Variants in CSMD1 observed in about 807,000 individuals in gnomAD.
CSMD1 encodes CUB and sushi domain-containing protein 1.
In CSMD1, 213 loss-of-function variants were observed where a neutral mutation model predicts 417.5. That is an observed-to-expected ratio of 0.51 (90% confidence interval 0.46 to 0.57). The LOEUF is 0.57. Ranked by LOEUF, CSMD1 falls within the 20% of genes least tolerant of loss-of-function variation. CSMD1 has a pLI of 0.00. For missense variants in CSMD1, 6,923 were observed against 4,529.7 expected, an observed-to-expected ratio of 1.53 and a Z score of -15.17; for synonymous variants, 2,862 against 1,736.8, an observed-to-expected ratio of 1.65 and a Z score of -16.11.
At chr8:4,740,901 A>G (rs1211557014) in intron 1 of CSMD1, among the ~76,000 whole-genome samples, 3 of 152,224 alleles carry the variant, frequency 2.0e-5, no homozygotes, top group Admixed American at 2.0e-4. Context: ...CACAACAGCT[A>G]ACTTTCCTGA....
At chr8:3,398,463 G>C (rs1435038182) in intron 16 of CSMD1, among the ~76,000 whole-genome samples, 1 of 152,156 alleles carries the variant, frequency 6.6e-6, no homozygotes, top group Non-Finnish European at 1.5e-5. Flanking sequence ...ATTACTGAAA[G>C]TTAACACAAC....
chr8:4,309,482 C>T (rs1798440571), intron 3 of CSMD1, among the ~76,000 whole-genome samples: 1 of 151,910 alleles, frequency 6.6e-6, no homozygotes, highest in African/African-American at 2.4e-5. Flanking sequence ...ATATTAAATG[C>T]ATTTTCTCTC....
At chr8:4,460,676 T>TCGC (rs199647814) in intron 2 of CSMD1, among the ~76,000 whole-genome samples, 3 of 152,146 alleles carry the variant, frequency 2.0e-5, no homozygotes, top group African/African-American at 7.2e-5. Flanking sequence ...GTAAGAGAAT[T>TCGC]TTATAAACAT....
chr8:3,987,307 G>A (rs1814408625), intron 5 of CSMD1, among the ~76,000 whole-genome samples: 1 of 152,182 alleles, frequency 6.6e-6, no homozygotes, highest in Non-Finnish European at 1.5e-5. Context: ...ACCTCACTGA[G>A]CAGTGCTTTC....
intron 8 of CSMD1, among the ~76,000 whole-genome samples, chr8:3,589,510 G>C (rs1311866779): frequency 2.0e-5 from 3 of 152,072 alleles, no homozygotes; most frequent in African/African-American, 7.2e-5. Context: ...ATTATGCTAA[G>C]TAAAATGAAC....
intron 49 of CSMD1, among the ~76,000 whole-genome samples, chr8:3,085,606 G>C (rs1379609823): frequency 6.6e-6 from 1 of 152,194 alleles, no homozygotes; most frequent in East Asian, 1.9e-4. Flanking sequence ...CTCATTTGCA[G>C]TGTGCACTAT....
chr8:3,905,088 C>T (rs547953182), intron 5 of CSMD1, among the ~76,000 whole-genome samples: 15 of 152,198 alleles, frequency 9.9e-5, no homozygotes, highest in African/African-American at 3.1e-4. Flanking sequence ...ATCCAAATGT[C>T]TGTAGGGAAA....
At chr8:4,826,714 G>A (rs1232657552) in intron 1 of CSMD1, among the ~76,000 whole-genome samples, 2 of 151,988 alleles carry the variant, frequency 1.3e-5, no homozygotes, top group Admixed American at 6.6e-5. Flanking sequence ...TCTGCCTTTC[G>A]TGACCCTCAT....
At chr8:3,313,460 C>G (rs1805511357) in intron 23 of CSMD1, among the ~76,000 whole-genome samples, 1 of 152,164 alleles carries the variant, frequency 6.6e-6, no homozygotes, top group South Asian at 2.1e-4. Flanking sequence ...AGGATGTGAA[C>G]AGACACCTCT....
intron 7 of CSMD1, among the ~76,000 whole-genome samples, chr8:3,707,452 G>A (rs1359787272): frequency 6.6e-6 from 1 of 152,180 alleles, no homozygotes; most frequent in African/African-American, 2.4e-5. Context: ...AAGATTGCCA[G>A]GGAAGCATAG....
intron 3 of CSMD1, among the ~76,000 whole-genome samples, chr8:4,131,171 G>A (rs1803079359): frequency 6.6e-6 from 1 of 152,150 alleles, no homozygotes; most frequent in Non-Finnish European, 1.5e-5. Flanking sequence ...AAGACTGAGA[G>A]TAGTACATCA....
rs761060510 is a variant in CSMD1, at chr8:3,108,741, G to A, written c.6616C>T (p.Pro2206Ser). ...CCCAGCTGGGGTGAGTTCTGATCGG[G>A]ACCGTCCCTAGGAAAGACAGAAAGA... ...VNDYIAVWDG[P>S]DQNSPQLGVF... The change falls in exon 44 of 70, where the codon CCC becomes TCC. Residue 2206 changes from proline (P) to serine (S), a missense_variant. Transcript: ENST00000635120. 7 of 1,612,364 alleles carry A rather than the reference G, an allele frequency of 4.3e-6. No individual in the cohort carries two copies. In the South Asian group the frequency reaches 5.5e-5, roughly 13 times the overall value.
chr8:4,114,143 T>C (rs1270826497), intron 3 of CSMD1, among the ~76,000 whole-genome samples: 1 of 152,210 alleles, frequency 6.6e-6, no homozygotes, highest in Non-Finnish European at 1.5e-5. Context: ...GGTAAGTCAA[T>C]GCTTGGCTTA....
intron 18 of CSMD1, among the ~76,000 whole-genome samples, chr8:3,379,798 G>C (rs1478512157): frequency 6.6e-6 from 1 of 152,106 alleles, no homozygotes; most frequent in African/African-American, 2.4e-5. Context: ...AAAAACCCTA[G>C]AAGAAAACAT....
At chr8:3,147,685 C>T (rs1302340890) in intron 40 of CSMD1, among the ~76,000 whole-genome samples, 2 of 152,184 alleles carry the variant, frequency 1.3e-5, no homozygotes, top group African/African-American at 2.4e-5. Flanking sequence ...ACACAAATTA[C>T]TATAAATCTG....
rs182237554 is a variant in CSMD1 at position 4,030,364 on chromosome 8, C to T, written c.610+1541G>A. 1.3e-3 allele frequency among the ~76,000 whole-genome samples: 198 copies of T among 152,318 alleles called. 1 individual carries two copies. The highest frequency in any genetic ancestry group is 4.7e-3 in the African/African-American group (196 of 41,570). The stretch of plus-strand genomic sequence containing the variant: ...TTCCTCTGAAATCTAGGCAAAGGTT[C>T]CCAAACCCAAATTATTGACTTCTAC... On this transcript the variant is annotated intron_variant, in intron 4 of 69. Transcript: ENST00000635120.
intron 7 of CSMD1, among the ~76,000 whole-genome samples, chr8:3,646,691 A>C (rs1585013194): frequency 6.6e-6 from 1 of 152,256 alleles, no homozygotes; most frequent in East Asian, 1.9e-4. Flanking sequence ...ACACCTCATT[A>C]GCCCTCCTTC....
At chr8:3,906,863 A>G (rs893086860) in intron 5 of CSMD1, among the ~76,000 whole-genome samples, 7 of 149,758 alleles carry the variant, frequency 4.7e-5, no homozygotes, top group African/African-American at 1.7e-4. Context: ...TACATAAAGT[A>G]AAAGTATTAG....
At chr8:3,824,792 T>C (rs1446547898) in intron 5 of CSMD1, among the ~76,000 whole-genome samples, 2 of 152,134 alleles carry the variant, frequency 1.3e-5, no homozygotes, top group Non-Finnish European at 2.9e-5. Flanking sequence ...AGCAGAGTTC[T>C]AAGGTCTAAA....
Sources: gnomAD v4.1 joint callset for allele counts (sites outside exome capture counted in the v4.1 genomes callset) on GRCh38, gnomAD v4.1.1 for gene constraint, MANE v1.5 for transcripts, NCBI Gene and HGNC (gene_info 2026-07-23, HGNC 2026-07-21) for gene names.